ARHGAP40: variants seen among roughly 807,000 people sequenced by gnomAD.
ARHGAP40 encodes the protein rho GTPase-activating protein 40.
Under a neutral mutation model 73.5 loss-of-function variants are expected in ARHGAP40, and 43 were observed. The observed-to-expected ratio is 0.58, with a 90% CI of 0.46 to 0.75. The LOEUF (loss-of-function observed/expected upper bound fraction) is 0.75. Ranked by LOEUF, ARHGAP40 falls within the 30% of genes least tolerant of loss-of-function variation. The pLI is 0.00. For synonymous variants in ARHGAP40, 300 were observed against 352.8 expected (o/e 0.85, Z 1.68); for missense variants, 734 against 861.8 (o/e 0.85, Z 1.86).
intron 4 of ARHGAP40, 146 bp downstream of exon 4, chr20:38,629,148 G>C (rs1258679087): frequency 1.7e-5 from 12 of 694,130 alleles, no homozygotes; most frequent in Non-Finnish European, 2.5e-5. Context: ...CAGTAGGGAG[G>C]AGCCCTGAGG....
intron 3 of ARHGAP40, 65 bp downstream of exon 3, chr20:38,627,280 TGA>T (rs1299521343): frequency 1.6e-5 from 20 of 1,261,636 alleles, no homozygotes; most frequent in Non-Finnish European, 2.1e-5. Flanking sequence ...CGCCACAGCC[TGA>T]GAGATGCAGT....
chr20:38,617,569 C>T (rs2088849602), intron 1 of ARHGAP40, among the ~76,000 whole-genome samples: 1 of 152,056 alleles, frequency 6.6e-6, no homozygotes, highest in Admixed American at 6.5e-5. Flanking sequence ...CCTGCCTCAT[C>T]TTTCAGGCCA....
At chr20:38,631,083 G>A (rs551438113) in intron 5 of ARHGAP40, among the ~76,000 whole-genome samples, 10 of 152,258 alleles carry the variant, frequency 6.6e-5, no homozygotes, top group South Asian at 2.1e-4. Context: ...AGGCCAAGGC[G>A]AGAGGATTGC....
intron 6 of ARHGAP40, among the ~76,000 whole-genome samples, chr20:38,636,798 A>G (rs1601146803): frequency 6.6e-6 from 1 of 152,158 alleles, no homozygotes; most frequent in African/African-American, 2.4e-5. Context: ...TGTTCATTTC[A>G]CTGCAGCATT....
At position 38,646,469 on chromosome 20, in the gene ARHGAP40, G is replaced by C. The variant is rs1426615212; in HGVS notation, c.1710+282G>C. Among the ~76,000 whole-genome samples the C allele has an allele frequency of 6.6e-6, 1 of 152,238 alleles. No individual in the cohort carries two copies. The highest frequency in any genetic ancestry group is 6.5e-5 in the Admixed American group (1 of 15,290). ...TTTCGGCAGCCCCTGGCCGAGGGTTGGGAAAATGGGAGTCGCTCTGCGGGG... is the reference window on the plus strand; with the variant it reads ...TTTCGGCAGCCCCTGGCCGAGGGTTCGGAAAATGGGAGTCGCTCTGCGGGG... On this transcript the variant is annotated intron_variant, in intron 12 of 14. Transcript: ENST00000373345. The surrounding 1 kb of genome is among the most constrained non-coding windows in gnomAD (Gnocchi z 4.5).
intron 6 of ARHGAP40, among the ~76,000 whole-genome samples, chr20:38,635,811 T>A (rs2088971323): frequency 6.6e-6 from 1 of 152,310 alleles, no homozygotes; most frequent in Admixed American, 6.5e-5. Flanking sequence ...GTGGTTGTCA[T>A]GATAATGCTA....
At chr20:38,650,439 TC>T in exon 15 of ARHGAP40, 1 of 470,772 alleles carries the variant, frequency 2.1e-6, no homozygotes, top group Non-Finnish European at 4.4e-6. Context: ...CCCCTTGCCC[TC>T]TCAGAATCCT....
intron 9 of ARHGAP40, among the ~76,000 whole-genome samples, chr20:38,640,145 T>TTCTTCTTTCTTCTTCC (rs1555792540): frequency 1.8e-5 from 1 of 54,816 alleles, no homozygotes; most frequent in African/African-American, 4.0e-5. Context: ...TTCTTCTTTC[T>TTCTTCTTTCTTCTTCC]TCTTCCTCTT....
chr20:38,623,364 GCC>G lies in ARHGAP40; in HGVS notation c.146_147del (p.Pro49LeufsTer48), dbSNP rs756406563. On this transcript the variant is annotated frameshift_variant, in exon 2 of 15. Transcript: ENST00000373345. LOFTEE classifies it high-confidence loss of function. ...ACCTTCCCCACTTGCTACAGCTCTG[GCC>G]CCTCCTCAGGCCGAATGGATCAGCT... 175 of 1,289,158 alleles carry G rather than the reference GCC, an allele frequency of 1.4e-4. No individual in the cohort carries two copies. The highest frequency in any genetic ancestry group is 1.7e-4 in the Non-Finnish European group (170 of 988,022). The allele number at this position is 1,289,158 out of a possible 1,614,324, so 79.9% of individuals were successfully genotyped here. A position where few individuals can be genotyped will look rare whatever the true frequency, so the allele number is the denominator to read the frequency against.
At chr20:38,649,979 G>A in exon 15 of ARHGAP40, 1 of 594,394 alleles carries the variant, frequency 1.7e-6, no homozygotes, top group Non-Finnish European at 2.7e-6. Context: ...TTCCTTTTCT[G>A]AAATGCCTCT....
chr20:38,629,671 G>C, intron 5 of ARHGAP40, 21 bp downstream of exon 5: 1 of 1,304,000 alleles, frequency 7.7e-7, no homozygotes. Flanking sequence ...TGTCCACAGG[G>C]CTGGTTGGCT....
intron 1 of ARHGAP40, among the ~76,000 whole-genome samples, chr20:38,616,671 C>T (rs1256623544): frequency 2.0e-5 from 3 of 152,330 alleles, no homozygotes; most frequent in East Asian, 1.9e-4. Context: ...GTTTGACCAT[C>T]TGTGAAATGG....
rs1190368037 is a variant in ARHGAP40, at chr20:38,646,956, G to A, written c.1711-1G>A. 2.3e-6 allele frequency: 3 copies of A among 1,304,326 alleles called. No individual in the cohort carries two copies. In the Admixed American group the frequency reaches 6.9e-5, roughly 30 times the overall value. The allele number at this position is 1,304,326 out of a possible 1,614,324, so 80.8% of individuals were successfully genotyped here. ...GGATCTTTCTCTCTCTCTCTCTGCA[G>A]ACTCCCAAGGTGGCAAAGATCCAGG... On this transcript the variant is annotated splice_acceptor_variant, in intron 12 of 14. Transcript: ENST00000373345. LOFTEE classifies it high-confidence loss of function. This position sits in a 1 kb window ranked among gnomAD's most constrained non-coding sequence, Gnocchi z 4.5.
At chr20:38,628,999 C>T in exon 4 of ARHGAP40, 3 of 1,304,814 alleles carry the variant, frequency 2.3e-6, no homozygotes, top group Non-Finnish European at 3.0e-6. Context: ...TAAGTTTCCT[C>T]CAGGTAAGTG....
chr20:38,635,074 G>A (rs1041670084), intron 6 of ARHGAP40, among the ~76,000 whole-genome samples: 3 of 151,942 alleles, frequency 2.0e-5, no homozygotes, highest in African/African-American at 7.3e-5. Context: ...TACAGACGGG[G>A]TTTCACCATG....
At chr20:38,640,135 T>TTCTTCCTCTTCC (rs2089006930) in intron 9 of ARHGAP40, among the ~76,000 whole-genome samples, 2 of 75,806 alleles carry the variant, frequency 2.6e-5, no homozygotes, top group South Asian at 4.4e-4. Flanking sequence ...CTCTTCTTTC[T>TTCTTCCTCTTCC]TCTTCTTTCT....
rs567031921 is a variant in ARHGAP40, at chr20:38,616,979, G to A, written c.138-6380G>A. Among the ~76,000 whole-genome samples, 8 of 148,720 alleles carry A rather than the reference G, an allele frequency of 5.4e-5. No individual in the cohort carries two copies. The East Asian group carries it at 6.0e-4, about 11-fold the overall frequency. On this transcript the variant is annotated intron_variant, in intron 1 of 14. Coordinates refer to ENST00000373345, the Ensembl canonical transcript of ARHGAP40. ...TATTTATTTTGAGACGGAGTCTCAC[G>A]CTGTTGCCCAGGCTGGAGTGCAGTG... is the stretch of plus-strand genomic sequence containing the variant.
chr20:38,604,373 C>A (rs2088758452), intron 1 of ARHGAP40, among the ~76,000 whole-genome samples: 1 of 150,546 alleles, frequency 6.6e-6, no homozygotes, highest in African/African-American at 2.4e-5. Flanking sequence ...ACAAAAGCAA[C>A]ATTTTTACTT....
intron 9 of ARHGAP40, among the ~76,000 whole-genome samples, chr20:38,641,444 A>G (rs1053429650): frequency 6.6e-6 from 1 of 152,320 alleles, no homozygotes; most frequent in Admixed American, 6.5e-5. Context: ...CCTGGGCTGC[A>G]GCCTGGACTG....
Sources: gnomAD v4.1 joint callset for allele counts (sites outside exome capture counted in the v4.1 genomes callset) on GRCh38, gnomAD v4.1.1 for gene constraint, Gnocchi (gnomAD v3.1) non-coding constraint, MANE v1.5 for transcripts, NCBI Gene and HGNC (gene_info 2026-07-23, HGNC 2026-07-21) for gene names.